MIPEP: variants seen among roughly 807,000 people sequenced by gnomAD.
MIPEP encodes mitochondrial intermediate peptidase.
A neutral mutation model predicts 90.3 loss-of-function variants in MIPEP; 79 were observed. The observed-to-expected ratio is 0.87, with a 90% CI of 0.73 to 1.05. MIPEP has a LOEUF of 1.05. Ranked by LOEUF, MIPEP falls within the 50% of genes least tolerant of loss-of-function variation. MIPEP has a pLI of 0.00. For missense variants in MIPEP, 940 were observed against 905.6 expected, an observed-to-expected ratio of 1.04 and a Z score of -0.49; for synonymous variants, 334 against 315.8, an observed-to-expected ratio of 1.06 and a Z score of -0.61.
chr13:23,819,534 T>C (rs566235277), intron 14 of MIPEP, among the ~76,000 whole-genome samples: 8 of 152,174 alleles, frequency 5.3e-5, no homozygotes, highest in Non-Finnish European at 1.2e-4. Context: ...AACGGATCTA[T>C]AACCAAATTT....
chr13:23,794,754 G>A (rs1952938350), intron 16 of MIPEP, among the ~76,000 whole-genome samples: 1 of 151,954 alleles, frequency 6.6e-6, no homozygotes, highest in South Asian at 2.1e-4. Flanking sequence ...AAAACAACCG[G>A]GTAGTCATAA....
intron 7 of MIPEP, among the ~76,000 whole-genome samples, chr13:23,865,113 C>A (rs559797616): frequency 2.6e-5 from 4 of 151,898 alleles, no homozygotes; most frequent in Admixed American, 2.6e-4. Context: ...TTTACAAACC[C>A]ATAAAGGCAG....
intron 10 of MIPEP, among the ~76,000 whole-genome samples, chr13:23,853,497 G>C (rs901973127): frequency 6.6e-6 from 1 of 151,858 alleles, no homozygotes; most frequent in African/African-American, 2.4e-5. Flanking sequence ...GTGTGTGTAG[G>C]CTATACCCTT....
intron 12 of MIPEP, 140 bp downstream of exon 12, chr13:23,839,503 TATCTTA>T: frequency 2.2e-6 from 1 of 456,752 alleles, no homozygotes; most frequent in Non-Finnish European, 3.7e-6. Context: ...TTTAAAATTC[TATCTTA>T]ATTTCAAATG....
intron 16 of MIPEP, among the ~76,000 whole-genome samples, chr13:23,795,827 CAA>C (rs56358765): frequency 3.0e-5 from 4 of 133,588 alleles, no homozygotes; most frequent in Admixed American, 7.4e-5. Context: ...TCATCTCTAC[CAA>C]AAAAAAAAAA....
chr13:23,809,625 G>T (rs140966388), intron 15 of MIPEP, among the ~76,000 whole-genome samples: 8 of 152,276 alleles, frequency 5.3e-5, no homozygotes, highest in African/African-American at 1.7e-4. Flanking sequence ...TTACAGGTGT[G>T]AGCCACTGTG....
intron 14 of MIPEP, among the ~76,000 whole-genome samples, chr13:23,812,970 T>A (rs956757803): frequency 9.9e-5 from 15 of 152,192 alleles, no homozygotes; most frequent in African/African-American, 3.4e-4. Context: ...ATACACATAT[T>A]GTGTGTGCTA....
intron 10 of MIPEP, among the ~76,000 whole-genome samples, chr13:23,853,813 G>A (rs1488836818): frequency 6.6e-6 from 1 of 151,714 alleles, no homozygotes; most frequent in African/African-American, 2.4e-5. Flanking sequence ...TGATCCACCC[G>A]CCTCAGCCTC....
At chr13:23,810,911 C>G (rs187039582) in intron 14 of MIPEP, among the ~76,000 whole-genome samples, 4 of 152,172 alleles carry the variant, frequency 2.6e-5, no homozygotes, top group African/African-American at 9.7e-5. Flanking sequence ...AAACCTACAG[C>G]CTTTTCTCTT....
chr13:23,857,268 T>TA (rs747990198), intron 10 of MIPEP, among the ~76,000 whole-genome samples: 3 of 152,200 alleles, frequency 2.0e-5, no homozygotes, highest in Non-Finnish European at 4.4e-5. Context: ...TTGTTTACCA[T>TA]AACCAAATTA....
rs188509384 is a variant in MIPEP at position 23,865,764 on chromosome 13, G to T, written c.944-1575C>A. Among the ~76,000 whole-genome samples, 619 of 151,330 alleles carry T rather than the reference G, an allele frequency of 4.1e-3. 4 individuals carry two copies. Among genetic ancestry groups the T allele is most frequent in the African/African-American group, 0.015 (603 of 41,210 alleles). On this transcript the variant is annotated intron_variant, in intron 7 of 18. Coordinates refer to ENST00000382172, the MANE Select transcript of MIPEP (RefSeq NM_005932.4). ...GGCTCACTGCAACCTCTGCCTCCCAGGGTTCAATCGATTCTCCTGTCTCAG... is the reference window on the plus strand; with the variant it reads ...GGCTCACTGCAACCTCTGCCTCCCATGGTTCAATCGATTCTCCTGTCTCAG...
At chr13:23,839,210 A>T (rs1444831053) in intron 12 of MIPEP, among the ~76,000 whole-genome samples, 1 of 152,198 alleles carries the variant, frequency 6.6e-6, no homozygotes, top group East Asian at 1.9e-4. Context: ...TATGGAAAAG[A>T]GTTAAAAGTT....
At chr13:23,780,765 T>C (rs970653686) in intron 16 of MIPEP, among the ~76,000 whole-genome samples, 3 of 152,166 alleles carry the variant, frequency 2.0e-5, no homozygotes, top group Admixed American at 6.5e-5. Context: ...TTAAATGACC[T>C]GATGGAGTTG....
intron 14 of MIPEP, among the ~76,000 whole-genome samples, chr13:23,834,898 C>G (rs774854115): frequency 1.1e-4 from 16 of 152,140 alleles, no homozygotes; most frequent in Non-Finnish European, 1.9e-4. Context: ...ACATAATTCC[C>G]AGAACAATTC....
chr13:23,808,827 T>C (rs1437236965), intron 15 of MIPEP, among the ~76,000 whole-genome samples: 2 of 152,258 alleles, frequency 1.3e-5, no homozygotes, highest in African/African-American at 2.4e-5. Context: ...CACTGAAACA[T>C]GTATTTCATG....
At chr13:23,784,311 C>G (rs1470712417) in intron 16 of MIPEP, among the ~76,000 whole-genome samples, 1 of 152,086 alleles carries the variant, frequency 6.6e-6, no homozygotes, top group Admixed American at 6.6e-5. Context: ...TGGAACAGAA[C>G]AGAGCCCTCA....
chr13:23,858,910 T>C lies in MIPEP; in HGVS notation c.1056A>G (p.Glu352=). The C allele has an allele frequency of 6.2e-7, 1 of 1,613,124 alleles. No individual in the cohort carries two copies. Among genetic ancestry groups the C allele is most frequent in the Non-Finnish European group, 8.5e-7 (1 of 1,179,312 alleles). ...AGTAAGGGGGGTCCCAGGGCATTAC[T>C]TCCTACAATGGAATAATTCACTGTT... ...MKMKLNPQNS[E]VMPWDPPYYS... The change falls in exon 10 of 19, where the codon GAA becomes GAG. Residue 352 remains glutamate (E), a splice_region_variant and synonymous_variant. Coordinates refer to ENST00000382172, the MANE Select transcript of MIPEP (RefSeq NM_005932.4).
intron 18 of MIPEP, among the ~76,000 whole-genome samples, chr13:23,730,725 T>C (rs900736287): frequency 6.6e-6 from 1 of 152,220 alleles, no homozygotes; most frequent in African/African-American, 2.4e-5. Context: ...CATATATGAC[T>C]ATACCCTTAG....
At chr13:23,758,930 T>C (rs1234816989) in intron 17 of MIPEP, among the ~76,000 whole-genome samples, 2 of 152,198 alleles carry the variant, frequency 1.3e-5, no homozygotes, top group African/African-American at 4.8e-5. Context: ...CTCAGTTTTC[T>C]CTTATAAAAC....
Sources: gnomAD v4.1 joint callset for allele counts (sites outside exome capture counted in the v4.1 genomes callset) on GRCh38, gnomAD v4.1.1 for gene constraint, MANE v1.5 for transcripts, NCBI Gene and HGNC (gene_info 2026-07-23, HGNC 2026-07-21) for gene names.